AGO3: variants seen among roughly 807,000 people sequenced by gnomAD.
The protein encoded by AGO3 is protein argonaute-3.
Under a neutral mutation model 105.5 loss-of-function variants are expected in AGO3, and 16 were observed. That is an observed-to-expected ratio of 0.15 (90% CI 0.10 to 0.23). The LOEUF (loss-of-function observed/expected upper bound fraction) is 0.23, where lower values mean the gene tolerates loss of function less well. Among genes scored for constraint, AGO3 ranks in the 10% least tolerant of loss-of-function variants. The pLI is 1.00. For synonymous variants in AGO3, 340 were observed against 367.3 expected, an observed-to-expected ratio of 0.93 and a Z score of 0.85; for missense variants, 534 against 1,088.0, an observed-to-expected ratio of 0.49 and a Z score of 7.16.
intron 1 of AGO3, among the ~76,000 whole-genome samples, chr1:35,939,220 A>G (rs1263628353): frequency 3.3e-5 from 5 of 152,110 alleles, no homozygotes; most frequent in Non-Finnish European, 5.9e-5. Flanking sequence ...ATATTTCATA[A>G]TATTCTGGAT....
At chr1:35,931,889 G>A (rs1181244380) in intron 1 of AGO3, among the ~76,000 whole-genome samples, 2 of 152,190 alleles carry the variant, frequency 1.3e-5, no homozygotes, top group African/African-American at 4.8e-5. Context: ...GTTCGAAGGA[G>A]GTGTTGGTGC....
intron 2 of AGO3, among the ~76,000 whole-genome samples, chr1:35,951,137 G>A (rs563856120): frequency 6.6e-6 from 1 of 152,266 alleles, no homozygotes; most frequent in East Asian, 1.9e-4. Flanking sequence ...TTTTAGTGGA[G>A]TCGGGGTTTC....
intron 1 of AGO3, among the ~76,000 whole-genome samples, chr1:35,942,160 G>A (rs1005630363): frequency 5.9e-5 from 9 of 151,946 alleles, no homozygotes; most frequent in Non-Finnish European, 1.0e-4. Context: ...AACACAAAGC[G>A]GAATTTAAAA....
chr1:36,000,097 T>G (rs1215564101), intron 5 of AGO3, among the ~76,000 whole-genome samples: 2 of 152,162 alleles, frequency 1.3e-5, no homozygotes, highest in African/African-American at 4.8e-5. Context: ...TATGCTTATT[T>G]CCTGTAACAT....
chr1:36,014,565 A>T (rs952085105), intron 11 of AGO3, among the ~76,000 whole-genome samples: 13 of 151,262 alleles, frequency 8.6e-5, no homozygotes, highest in African/African-American at 2.9e-4. Flanking sequence ...AGGTCAGGAG[A>T]TCGAGACCAT....
intron 4 of AGO3, 108 bp downstream of exon 4, chr1:35,972,340 T>A: frequency 8.2e-7 from 1 of 1,215,044 alleles, no homozygotes; most frequent in Non-Finnish European, 1.2e-6. Context: ...ATTGTTCAAC[T>A]GAAATGTTGA....
chr1:36,053,422 G>A (rs989741750), intron 17 of AGO3, among the ~76,000 whole-genome samples: 2 of 151,766 alleles, frequency 1.3e-5, no homozygotes, highest in South Asian at 2.1e-4. Flanking sequence ...CTGGACTACA[G>A]GCACATGCCA....
In AGO3 at chr1:35,973,474, TC is replaced by T; in HGVS notation, c.622del (p.Arg208GlyfsTer7). ...EVWFGFHQSV[R>X]PAMWKMMLNI... The stretch of plus-strand genomic sequence containing the variant: ...TGTGGTTTGGATTCCATCAGTCTGT[TC>T]GGCCTGCCATGTGGAAAATGATGCT... On this transcript the variant is annotated frameshift_variant, in exon 5 of 19. Coordinates refer to ENST00000373191, the MANE Select transcript of AGO3 (RefSeq NM_024852.4). LOFTEE classifies it high-confidence loss of function. The T allele has an allele frequency of 6.3e-7, 1 of 1,590,130 alleles. No individual in the cohort carries two copies. Among genetic ancestry groups the T allele is most frequent in the Non-Finnish European group, 8.6e-7 (1 of 1,164,980 alleles).
intron 2 of AGO3, among the ~76,000 whole-genome samples, chr1:35,955,848 A>G (rs1008022646): frequency 3.3e-5 from 5 of 151,958 alleles, no homozygotes; most frequent in Admixed American, 1.3e-4. Flanking sequence ...GCCCACCTCA[A>G]CTTCCCAAAG....
At chr1:35,990,309 C>A (rs1484513304) in intron 5 of AGO3, among the ~76,000 whole-genome samples, 2 of 152,090 alleles carry the variant, frequency 1.3e-5, no homozygotes, top group Non-Finnish European at 2.9e-5. Flanking sequence ...GAGATCAAGA[C>A]CATCCTGGCT....
chr1:36,040,276 A>G (rs1024368274), intron 15 of AGO3, 31 bp from the exon 16 acceptor site: 13 of 1,600,376 alleles, frequency 8.1e-6, no homozygotes, highest in Non-Finnish European at 1.1e-5. Context: ...ATAGCTGACT[A>G]TATTGAATCT....
chr1:36,035,228 A>G (rs1354951662), intron 13 of AGO3, among the ~76,000 whole-genome samples: 1 of 152,164 alleles, frequency 6.6e-6, no homozygotes, highest in Non-Finnish European at 1.5e-5. Context: ...GTGAAACTTT[A>G]TCTCTACAAA....
chr1:35,967,478 G>C (rs1291318178), intron 3 of AGO3, among the ~76,000 whole-genome samples: 1 of 148,934 alleles, frequency 6.7e-6, no homozygotes, highest in East Asian at 2.0e-4. Context: ...GCAGTAGTGT[G>C]ATCTCGGCTC....
At chr1:35,966,403 T>C (rs964411079) in intron 2 of AGO3, among the ~76,000 whole-genome samples, 1 of 152,190 alleles carries the variant, frequency 6.6e-6, no homozygotes, top group Non-Finnish European at 1.5e-5. Context: ...GTCAGTTACA[T>C]TGGCTCAGAT....
intron 14 of AGO3, among the ~76,000 whole-genome samples, chr1:36,039,368 C>T (rs562912599): frequency 2.0e-5 from 3 of 151,992 alleles, no homozygotes; most frequent in East Asian, 3.9e-4. Context: ...GTGGTGCACA[C>T]CTGTAGTCCC....
At chr1:35,969,243 A>G (rs771643394) in intron 3 of AGO3, among the ~76,000 whole-genome samples, 2 of 152,114 alleles carry the variant, frequency 1.3e-5, no homozygotes, top group Non-Finnish European at 2.9e-5. Flanking sequence ...TTAACTATAT[A>G]TATTCTGGAC....
chr1:35,955,407 A>T (rs1361217674), intron 2 of AGO3, among the ~76,000 whole-genome samples: 1 of 152,214 alleles, frequency 6.6e-6, no homozygotes, highest in Non-Finnish European at 1.5e-5. Context: ...TACTGTTTTA[A>T]TATGTAACTG....
Position 36,063,272 on chromosome 1 carries a change from C to T in AGO3, c.*7527C>T, listed in dbSNP as rs182166355. ...TCCTGTAAGTTTGATCCTTTTTTTC[C>T]CCTTTAGTAGCAAACTAACATAACA... On this transcript the variant is annotated 3_prime_UTR_variant, in exon 19 of 19. Transcript: ENST00000373191. 39 of 152,100 alleles carry T rather than the reference C, an allele frequency of 2.6e-4. No individual in the cohort carries two copies. Among genetic ancestry groups the T allele is most frequent in the Admixed American group, 7.2e-4 (11 of 15,270 alleles). The allele number at this position is 152,100 out of a possible 1,614,324, so 9.4% of individuals were successfully genotyped here.
At chr1:35,993,559 G>C (rs938337496) in intron 5 of AGO3, among the ~76,000 whole-genome samples, 6 of 151,874 alleles carry the variant, frequency 4.0e-5, no homozygotes, top group Non-Finnish European at 8.8e-5. Context: ...AAATTGACTC[G>C]AAAAAGAAGC....
Sources: allele counts gnomAD v4.1 joint callset (sites outside exome capture counted in the v4.1 genomes callset), GRCh38; gene constraint gnomAD v4.1.1; transcripts MANE v1.5; gene names NCBI Gene and HGNC (gene_info 2026-07-23, HGNC 2026-07-21).